The following ENTPD5 variants were observed in gnomAD, a reference collection of about 807,000 sequenced individuals.
ENTPD5 encodes nucleoside diphosphate phosphatase ENTPD5.
Under a neutral mutation model 60.2 loss-of-function variants are expected in ENTPD5, and 49 were observed. The observed-to-expected ratio is 0.81, with a 90% CI of 0.65 to 1.03. The LOEUF (loss-of-function observed/expected upper bound fraction) is 1.03, where lower values mean the gene tolerates loss of function less well. Among genes scored for constraint, ENTPD5 ranks in the 50% least tolerant of loss-of-function variants. The probability of loss-of-function intolerance (pLI) is 0.00; values close to 1 mark genes in which losing one functional copy is unlikely to be tolerated. For synonymous variants in ENTPD5, 187 were observed against 185.4 expected, an observed-to-expected ratio of 1.01 and a Z score of -0.07; for missense variants, 480 against 507.6, an observed-to-expected ratio of 0.95 and a Z score of 0.52.
intron 3 of ENTPD5, among the ~76,000 whole-genome samples, chr14:74,001,664 C>G (rs1263080139): frequency 1.8e-5 from 1 of 54,522 alleles, no homozygotes. Flanking sequence ...AAGACCTCAT[C>G]TCAAAAAAAA....
chr14:73,959,085 T>C (rs781304368), downstream of ENTPD5: 7 of 1,614,012 alleles, frequency 4.3e-6, no homozygotes, highest in Middle Eastern at 1.6e-4. Context: ...AGAGGTAAGA[T>C]CCTGAGCTGC....
chr14:74,012,293 G>T (rs775051896), intron 2 of ENTPD5, among the ~76,000 whole-genome samples: 3 of 91,852 alleles, frequency 3.3e-5, no homozygotes, highest in African/African-American at 1.1e-4. Context: ...TAGTAGAGAG[G>T]GGGGGGTTTC....
At chr14:73,959,614 C>T (rs137990739), downstream of ENTPD5, 10,723 of 1,596,496 alleles carry the variant, frequency 6.7e-3, 76 homozygotes, top group Middle Eastern at 0.022. Flanking sequence ...CCTTGCCAGG[C>T]TGGAGCGCAG....
rs1428578328 is a variant in ENTPD5, at chr14:73,965,789, C to A, written c.*1139G>T. 6.6e-6 allele frequency: 1 copy of A among 152,138 alleles called. No homozygotes were observed. The highest frequency in any genetic ancestry group is 1.5e-5 in the Non-Finnish European group (1 of 68,046). The allele number at this position is 152,138 out of a possible 1,614,324, so 9.4% of individuals were successfully genotyped here. ...GTCAAGAGCTCTGAGCACTTGGATT[C>A]AAAAAGAGAGCATGAGGGACATTAA... On this transcript the variant is annotated 3_prime_UTR_variant, in exon 16 of 16. Coordinates refer to ENST00000334696, the MANE Select transcript of ENTPD5 (RefSeq NM_001249.5).
chr14:73,983,229 C>A (rs2057764740), intron 5 of ENTPD5, 68 bp from the exon 6 acceptor site: 23 of 1,478,446 alleles, frequency 1.6e-5, no homozygotes, highest in Non-Finnish European at 2.0e-5. Flanking sequence ...TCTATTCTGT[C>A]AACATACTTT....
intron 3 of ENTPD5, among the ~76,000 whole-genome samples, chr14:73,990,287 G>T (rs2058077945): frequency 6.6e-6 from 1 of 152,066 alleles, no homozygotes; most frequent in South Asian, 2.1e-4. Flanking sequence ...CCATTTTGAT[G>T]ATTTTCCCTT....
intron 1 of ENTPD5, among the ~76,000 whole-genome samples, chr14:74,017,186 C>T (rs1566777673): frequency 2.0e-5 from 3 of 152,068 alleles, no homozygotes; most frequent in East Asian, 1.9e-4. Flanking sequence ...GGCATGGTGG[C>T]GCATGCCTGG....
At chr14:73,976,971 C>G in intron 8 of ENTPD5, 53 bp downstream of exon 8, 1 of 1,416,622 alleles carries the variant, frequency 7.1e-7, no homozygotes, top group Non-Finnish European at 9.9e-7. Flanking sequence ...ACTCCTCTGA[C>G]TATGCATGTA....
At chr14:73,975,175 T>C (rs1314262472) in intron 10 of ENTPD5, among the ~76,000 whole-genome samples, 190 bp from the exon 11 acceptor site, 1 of 152,162 alleles carries the variant, frequency 6.6e-6, no homozygotes, top group Admixed American at 6.5e-5. Context: ...GGCTATGCAG[T>C]AAGAATTCCC....
intron 15 of ENTPD5, among the ~76,000 whole-genome samples, chr14:73,969,235 A>G (rs2057114720): frequency 6.6e-6 from 1 of 152,178 alleles, no homozygotes; most frequent in African/African-American, 2.4e-5. Flanking sequence ...AGTATGTGTA[A>G]CCACTCTATT....
At position 73,976,550 on chromosome 14, in the gene ENTPD5, C is replaced by G; in HGVS notation, c.554-138G>C. 6.2e-6 allele frequency: 4 copies of G among 641,456 alleles called. No homozygotes were observed. In the Admixed American group the frequency reaches 1.2e-4, roughly 19 times the overall value. The allele number at this position is 641,456 out of a possible 1,614,324, so 39.7% of individuals were successfully genotyped here. On this transcript the variant is annotated intron_variant, in intron 8 of 15. Transcript: ENST00000334696. ...CAGCCCCAAGGCTGCAGGTGAATGT[C>G]AACTCGGAAGGACTCTTGTTGCAGC... is the stretch of plus-strand genomic sequence containing the variant.
At chr14:73,981,586 T>G (rs889933944) in intron 6 of ENTPD5, among the ~76,000 whole-genome samples, 2 of 152,098 alleles carry the variant, frequency 1.3e-5, no homozygotes, top group Non-Finnish European at 2.9e-5. Context: ...GTGGACTGCC[T>G]GAGCTCAGGA....
At chr14:73,976,232 G>A in intron 9 of ENTPD5, 92 bp downstream of exon 9, 1 of 1,117,790 alleles carries the variant, frequency 8.9e-7, no homozygotes, top group Non-Finnish European at 1.4e-6. Context: ...AAGCGTGGTA[G>A]AGCTGCTGGC....
At chr14:73,960,043 G>A, downstream of ENTPD5, 1 of 1,005,190 alleles carries the variant, frequency 9.9e-7, no homozygotes, top group Non-Finnish European at 1.2e-6. Flanking sequence ...TAGGCTGACT[G>A]AAACAGCTGC....
chr14:73,980,842 A>G (rs2057656961), intron 6 of ENTPD5, among the ~76,000 whole-genome samples: 1 of 152,218 alleles, frequency 6.6e-6, no homozygotes, highest in Non-Finnish European at 1.5e-5. Flanking sequence ...TCATGCCTGT[A>G]ATCCCAGTAC....
At chr14:73,958,976 T>G, downstream of ENTPD5, 1 of 1,613,772 alleles carries the variant, frequency 6.2e-7, no homozygotes. Context: ...TGCAGATAGG[T>G]GCAGATGGTC....
chr14:74,004,238 G>GCT (rs1362192193), intron 3 of ENTPD5, among the ~76,000 whole-genome samples: 3 of 151,980 alleles, frequency 2.0e-5, no homozygotes, highest in African/African-American at 7.3e-5. Context: ...CGTGATCTTG[G>GCT]CTCACTGCAA....
At chr14:73,962,433 C>T (rs576025791), downstream of ENTPD5, among the ~76,000 whole-genome samples, 1 of 152,034 alleles carries the variant, frequency 6.6e-6, no homozygotes, top group African/African-American at 2.4e-5. Context: ...GTGGCACATG[C>T]CTGTAGTCCT....
chr14:73,961,684 G>A (rs2056742299), downstream of ENTPD5: 1 of 1,611,804 alleles, frequency 6.2e-7, no homozygotes. Context: ...GCTAGGAGAT[G>A]GAAGAAAACC....
Sources: allele counts gnomAD v4.1 joint callset (sites outside exome capture counted in the v4.1 genomes callset), GRCh38; gene constraint gnomAD v4.1.1; transcripts MANE v1.5; gene names NCBI Gene and HGNC (gene_info 2026-07-23, HGNC 2026-07-21).